Variants in LINGO2 observed in about 807,000 individuals in gnomAD.
LINGO2 encodes leucine-rich repeat and immunoglobulin-like domain-containing nogo receptor-interacting protein 2.
A neutral mutation model predicts 30.6 loss-of-function variants in LINGO2; 14 were observed. The observed-to-expected ratio is 0.46, with a 90% CI of 0.30 to 0.72. The LOEUF (loss-of-function observed/expected upper bound fraction) is 0.72, where lower values mean the gene tolerates loss of function less well. Among genes scored for constraint, LINGO2 ranks in the 30% least tolerant of loss-of-function variants. The probability of loss-of-function intolerance (pLI) is 0.07; values close to 1 mark genes in which losing one functional copy is unlikely to be tolerated. For synonymous variants in LINGO2, 317 were observed against 288.5 expected, an observed-to-expected ratio of 1.10 and a Z score of -1.00; for missense variants, 729 against 751.7, an observed-to-expected ratio of 0.97 and a Z score of 0.35.
chr9:28,039,630 A>ACC (rs1471976169), intron 4 of LINGO2, among the ~76,000 whole-genome samples: 2 of 152,168 alleles, frequency 1.3e-5, no homozygotes, highest in Non-Finnish European at 2.9e-5. Flanking sequence ...CTGGGTGGAT[A>ACC]TGCTGTTGAC....
At chr9:28,716,915 T>C in the LINGO2 span, among the ~76,000 whole-genome samples, 1 of 151,948 alleles carries the variant, frequency 6.6e-6, no homozygotes, top group Admixed American at 6.6e-5. Context: ...TCCTGATGAG[T>C]TTTAAAATAT....
chr9:28,779,144 C>G, the LINGO2 span, among the ~76,000 whole-genome samples: 2 of 152,108 alleles, frequency 1.3e-5, no homozygotes, highest in African/African-American at 4.8e-5. Flanking sequence ...TAAATGCATG[C>G]AAAAGAATTT....
chr9:29,148,357 A>G, the LINGO2 span, among the ~76,000 whole-genome samples: 1 of 152,132 alleles, frequency 6.6e-6, no homozygotes, highest in Non-Finnish European at 1.5e-5. Context: ...ATGTGGCCCT[A>G]TTCAGTATCA....
At chr9:28,938,001 T>C in the LINGO2 span, among the ~76,000 whole-genome samples, 2 of 152,160 alleles carry the variant, frequency 1.3e-5, no homozygotes, top group Admixed American at 6.5e-5. Flanking sequence ...TATGTTTTCT[T>C]ATCATTTAGC....
chr9:28,289,799 C>G (rs1823650632), intron 4 of LINGO2, among the ~76,000 whole-genome samples: 1 of 152,282 alleles, frequency 6.6e-6, no homozygotes. Context: ...CCAGTCTCTC[C>G]CTTTTTGGAA....
intron 4 of LINGO2, among the ~76,000 whole-genome samples, chr9:28,174,118 C>T (rs1828677751): frequency 6.6e-6 from 1 of 152,120 alleles, no homozygotes; most frequent in Non-Finnish European, 1.5e-5. Flanking sequence ...ATGCATACAC[C>T]ATATTTCTGT....
chr9:28,806,411 AC>A, the LINGO2 span, among the ~76,000 whole-genome samples: 1 of 152,156 alleles, frequency 6.6e-6, no homozygotes, highest in Non-Finnish European at 1.5e-5. Flanking sequence ...TATATTAATA[AC>A]TTGATTGTAT....
intron 4 of LINGO2, among the ~76,000 whole-genome samples, chr9:28,121,387 T>C (rs1827093128): frequency 6.6e-6 from 1 of 152,194 alleles, no homozygotes; most frequent in Admixed American, 6.5e-5. Flanking sequence ...TTTAGAGTTT[T>C]TGTTCTTGCT....
intron 1 of LINGO2, among the ~76,000 whole-genome samples, chr9:28,653,970 T>C (rs1828225717): frequency 6.6e-6 from 1 of 152,250 alleles, no homozygotes; most frequent in Non-Finnish European, 1.5e-5. Context: ...TGTATGCTTT[T>C]ATTGCTAAGT....
chr9:28,993,266 A>T, the LINGO2 span, among the ~76,000 whole-genome samples: 3 of 152,158 alleles, frequency 2.0e-5, no homozygotes, highest in African/African-American at 7.2e-5. Context: ...GAAAATCTAG[A>T]AGAAATGGAT....
downstream of LINGO2, among the ~76,000 whole-genome samples, chr9:27,945,231 C>G (rs1226025759): frequency 6.6e-6 from 1 of 152,238 alleles, no homozygotes; most frequent in Non-Finnish European, 1.5e-5. Context: ...ATCACATTCT[C>G]TCTTTTGTTC....
In LINGO2 at chr9:28,147,575, G is replaced by GCCC. The variant is rs778817628; in HGVS notation, c.-86-135173_-86-135171dup. Among the ~76,000 whole-genome samples the GCCC allele has an allele frequency of 6.6e-6, 1 of 152,132 alleles. No individual in the cohort carries two copies. Among genetic ancestry groups the GCCC allele is most frequent in the Non-Finnish European group, 1.5e-5 (1 of 67,994 alleles). The stretch of plus-strand genomic sequence containing the variant: ...TCCTGTGCTCTGCTTCCAGGTTCTG[G>GCCC]CCCTGTAACCCGGGGGACAGGGCCG... On this transcript the variant is annotated intron_variant, in intron 4 of 5. Transcript: ENST00000379992. This position sits in a 1 kb window ranked among gnomAD's most constrained non-coding sequence, Gnocchi z 4.7.
chr9:28,932,174 G>C, the LINGO2 span, among the ~76,000 whole-genome samples: 1 of 105,816 alleles, frequency 9.5e-6, no homozygotes, highest in East Asian at 2.7e-4. Flanking sequence ...GCGGGGGCCG[G>C]GGGGGATCTT....
chr9:28,053,749 A>G (rs1242087082), intron 4 of LINGO2, among the ~76,000 whole-genome samples: 1 of 152,080 alleles, frequency 6.6e-6, no homozygotes, highest in African/African-American at 2.4e-5. Context: ...TATGTTGGTA[A>G]TTTTTAAAAG....
At chr9:28,643,822 G>A (rs370379076) in intron 1 of LINGO2, among the ~76,000 whole-genome samples, 1 of 151,470 alleles carries the variant, frequency 6.6e-6, no homozygotes, top group Non-Finnish European at 1.5e-5. Flanking sequence ...ATATAAGGAG[G>A]TCAAACAACT....
Position 28,329,715 on chromosome 9 carries a change from C to T in LINGO2, c.-245-34349G>A, listed in dbSNP as rs1458270342. Among the ~76,000 whole-genome samples, 1 of 152,042 alleles carries T rather than the reference C, an allele frequency of 6.6e-6. No individual in the cohort carries two copies. The highest frequency in any genetic ancestry group is 6.6e-5 in the Admixed American group (1 of 15,244). On this transcript the variant is annotated intron_variant, in intron 3 of 5. Transcript: ENST00000379992. The surrounding 1 kb of genome is among the most constrained non-coding windows in gnomAD (Gnocchi z 4.5). ...TACCTCCCCCATATTCTTTATCTGG[C>T]TAATTTTAACTTGCCCTTCAAGACT... is the stretch of plus-strand genomic sequence containing the variant.
chr9:28,102,943 G>A (rs1159641402), intron 4 of LINGO2, among the ~76,000 whole-genome samples: 1 of 152,112 alleles, frequency 6.6e-6, no homozygotes, highest in Non-Finnish European at 1.5e-5. Flanking sequence ...TGATTATTCT[G>A]AATATTTCTG....
chr9:28,613,788 A>T (rs867786031), intron 1 of LINGO2, among the ~76,000 whole-genome samples: 13 of 152,146 alleles, frequency 8.5e-5, no homozygotes, highest in African/African-American at 2.9e-4. Flanking sequence ...AAAGAGTTAA[A>T]TTATTTGTTA....
chr9:29,073,169 T>G, the LINGO2 span, among the ~76,000 whole-genome samples: 1 of 152,066 alleles, frequency 6.6e-6, no homozygotes, highest in Non-Finnish European at 1.5e-5. Context: ...AAAATATATG[T>G]ATATATACAT....
Sources: gnomAD v4.1 joint callset for allele counts (sites outside exome capture counted in the v4.1 genomes callset) on GRCh38, gnomAD v4.1.1 for gene constraint, Gnocchi (gnomAD v3.1) non-coding constraint, MANE v1.5 for transcripts, NCBI Gene and HGNC (gene_info 2026-07-23, HGNC 2026-07-21) for gene names.